The following LRRN2 variants were observed in gnomAD, a reference collection of about 807,000 sequenced individuals.
LRRN2 encodes leucine-rich repeat neuronal protein 2.
In LRRN2, 10 loss-of-function variants were observed where a neutral mutation model predicts 35.7. That is an observed-to-expected ratio of 0.28 (90% CI 0.17 to 0.47). The LOEUF is 0.47. LRRN2 is among the 20% of genes least tolerant of loss of function. The pLI, the probability that LRRN2 is intolerant of heterozygous loss-of-function variation, is 0.99. For synonymous variants in LRRN2, 391 were observed against 409.6 expected, an observed-to-expected ratio of 0.95 and a Z score of 0.55; for missense variants, 731 against 940.3, an observed-to-expected ratio of 0.78 and a Z score of 2.91.
intron 1 of LRRN2, among the ~76,000 whole-genome samples, chr1:204,632,628 CAAAA>C (rs10719120): frequency 5.7e-5 from 6 of 104,526 alleles, no homozygotes; most frequent in Admixed American, 2.0e-4. Flanking sequence ...GACTCTGTCT[CAAAA>C]AAAAAAAAAA....
At chr1:204,674,551 T>C (rs1157701059) in intron 1 of LRRN2, among the ~76,000 whole-genome samples, 6 of 152,224 alleles carry the variant, frequency 3.9e-5, no homozygotes, top group Non-Finnish European at 8.8e-5. Flanking sequence ...GGCAAGGATC[T>C]GCCTCTGCCT....
Position 204,619,951 on chromosome 1 carries a change from A to G in LRRN2, c.42T>C (p.Ala14=). Residue 14 remains alanine, a synonymous_variant, in exon 2 of 2, where the codon GCT becomes GCC. Transcript: ENST00000367177. ...CCACGGGCACAGCGGCAGTGGCACC[A>G]GCCACCCAAGCTAGCAAGAGTGGGG... ...LVAPLLLAWV[A]GATAAVPVVP... is the part of the protein sequence containing the mutation. The G allele has an allele frequency of 1.2e-6, 2 of 1,612,708 alleles. No individual in the cohort carries two copies. The highest frequency in any genetic ancestry group is 1.7e-6 in the Non-Finnish European group (2 of 1,179,672).
chr1:204,658,736 T>G (rs1668410089), intron 1 of LRRN2, among the ~76,000 whole-genome samples: 1 of 152,196 alleles, frequency 6.6e-6, no homozygotes, highest in African/African-American at 2.4e-5. Context: ...GCCTCTGGGT[T>G]TTTCTTTCTC....
At chr1:204,634,911 A>G (rs1667795876) in intron 1 of LRRN2, among the ~76,000 whole-genome samples, 1 of 152,232 alleles carries the variant, frequency 6.6e-6, no homozygotes, top group Non-Finnish European at 1.5e-5. Flanking sequence ...TGGGACTAAG[A>G]CTAGTACTAT....
chr1:204,653,355 T>C (rs973873628), intron 1 of LRRN2, among the ~76,000 whole-genome samples: 1 of 152,208 alleles, frequency 6.6e-6, no homozygotes, highest in Non-Finnish European at 1.5e-5. Context: ...CTGAGGCTGA[T>C]TGCCTTCTTG....
At chr1:204,674,758 C>T (rs1668787275) in intron 1 of LRRN2, among the ~76,000 whole-genome samples, 1 of 152,156 alleles carries the variant, frequency 6.6e-6, no homozygotes, top group Non-Finnish European at 1.5e-5. Flanking sequence ...AGTTCCAGGA[C>T]AAAGAACACG....
chr1:204,625,561 A>T, intron 1 of LRRN2, among the ~76,000 whole-genome samples: 1 of 152,194 alleles, frequency 6.6e-6, no homozygotes, highest in East Asian at 1.9e-4. Flanking sequence ...ATCAAGACAT[A>T]AACATTTCCA....
At chr1:204,658,944 T>C (rs1342402745) in intron 1 of LRRN2, among the ~76,000 whole-genome samples, 1 of 152,244 alleles carries the variant, frequency 6.6e-6, no homozygotes, top group African/African-American at 2.4e-5. Context: ...GCTACTGTCA[T>C]TCAAAAGTGG....
At chr1:204,685,291 C>T (rs1312019744) in intron 1 of LRRN2, 29 bp downstream of exon 1, 1 of 152,116 alleles carries the variant, frequency 6.6e-6, no homozygotes, top group Non-Finnish European at 1.5e-5. Context: ...GCGGCGCTGC[C>T]CAGGTCAGCC....
chr1:204,655,374 G>A (rs1200248076), intron 1 of LRRN2, among the ~76,000 whole-genome samples: 1 of 152,112 alleles, frequency 6.6e-6, no homozygotes, highest in Non-Finnish European at 1.5e-5. Context: ...TGCAGCCCCT[G>A]TCTCCCAGGC....
chr1:204,632,949 ATTC>A (rs999457708), intron 1 of LRRN2, among the ~76,000 whole-genome samples: 23 of 151,936 alleles, frequency 1.5e-4, no homozygotes, highest in Admixed American at 7.9e-4. Context: ...AAAAAAAAAA[ATTC>A]TTCTGTATTC....
At chr1:204,670,182 G>A (rs1280301480) in intron 1 of LRRN2, among the ~76,000 whole-genome samples, 2 of 152,142 alleles carry the variant, frequency 1.3e-5, no homozygotes, top group Non-Finnish European at 2.9e-5. Context: ...GGGAGGAGTG[G>A]AGTGGATGGA....
intron 1 of LRRN2, among the ~76,000 whole-genome samples, chr1:204,665,981 A>G (rs1457559351): frequency 1.3e-5 from 2 of 152,200 alleles, no homozygotes; most frequent in Admixed American, 6.5e-5. Context: ...GCACAGCCTG[A>G]CCCAGCACCT....
At chr1:204,646,536 CG>C (rs1668112071) in intron 1 of LRRN2, among the ~76,000 whole-genome samples, 1 of 151,916 alleles carries the variant, frequency 6.6e-6, no homozygotes, top group African/African-American at 2.4e-5. Context: ...AAGTTACATC[CG>C]GGGAACAATG....
At position 204,637,536 on chromosome 1, in the gene LRRN2, C is replaced by T. The variant is rs144156458; in HGVS notation, c.-226-17318G>A. On this transcript the variant is annotated intron_variant, in intron 1 of 1. Coordinates refer to ENST00000367177, the MANE Select transcript of LRRN2 (RefSeq NM_201630.2). ...CCACAGCCAGACCAGCTGACCAGCT[C>T]TGCTCTGTGCAGATGCCCCTGAGTC... is the stretch of plus-strand genomic sequence containing the variant. Among the ~76,000 whole-genome samples, 826 of 152,372 alleles carry T rather than the reference C, an allele frequency of 5.4e-3. 3 individuals are homozygous for T. Among genetic ancestry groups the T allele is most frequent in the Middle Eastern group, 0.02 (6 of 294 alleles).
chr1:204,647,393 C>T (rs1377268051), intron 1 of LRRN2, among the ~76,000 whole-genome samples: 2 of 152,210 alleles, frequency 1.3e-5, no homozygotes, highest in African/African-American at 4.8e-5. Context: ...GCCACTCTGA[C>T]ATTTCCAAAT....
chr1:204,650,620 G>A (rs1432905916), intron 1 of LRRN2, among the ~76,000 whole-genome samples: 1 of 152,164 alleles, frequency 6.6e-6, no homozygotes, highest in Non-Finnish European at 1.5e-5. Context: ...GCTCTGCGGA[G>A]GGGTGTATGT....
Position 204,617,792 on chromosome 1 carries a change from T to C in LRRN2, c.*59A>G. On this transcript the variant is annotated 3_prime_UTR_variant, in exon 2 of 2. Coordinates refer to ENST00000367177, the MANE Select transcript of LRRN2 (RefSeq NM_201630.2). ...TGGCAGGGCATCTGGCCCAGACTGC[T>C]TCTCTTTTGGTAAAAAGTAGTCCTA... is the stretch of plus-strand genomic sequence containing the variant. 6.3e-7 allele frequency: 1 copy of C among 1,591,384 alleles called. No homozygotes were observed. The highest frequency in any genetic ancestry group is 1.7e-4 in the Middle Eastern group (1 of 5,920).
At chr1:204,672,203 G>A (rs1366359677) in intron 1 of LRRN2, among the ~76,000 whole-genome samples, 1 of 152,194 alleles carries the variant, frequency 6.6e-6, no homozygotes, top group Non-Finnish European at 1.5e-5. Flanking sequence ...GTGGAAGAAG[G>A]AGTCTTGAGA....
Sources: allele counts gnomAD v4.1 joint callset (sites outside exome capture counted in the v4.1 genomes callset), GRCh38; gene constraint gnomAD v4.1.1; transcripts MANE v1.5; gene names NCBI Gene and HGNC (gene_info 2026-07-23, HGNC 2026-07-21).